Variants in SMIM14 observed in about 807,000 individuals in gnomAD.
The protein encoded by SMIM14 is small integral membrane protein 14, also known as chromosome 4 open reading frame 34.
SMIM14 carries 5 observed loss-of-function variants against 12.6 expected under a neutral mutation model. The ratio of observed to expected loss-of-function variants is 0.40; its 90% CI spans 0.21 to 0.83. The LOEUF (loss-of-function observed/expected upper bound fraction) is 0.83, where lower values mean the gene tolerates loss of function less well. Among genes scored for constraint, SMIM14 ranks in the 40% least tolerant of loss-of-function variants. The probability of loss-of-function intolerance (pLI) is 0.37; values close to 1 mark genes in which losing one functional copy is unlikely to be tolerated. For synonymous variants in SMIM14, 30 were observed against 40.1 expected, an observed-to-expected ratio of 0.75 and a Z score of 0.95; for missense variants, 86 against 119.1, an observed-to-expected ratio of 0.72 and a Z score of 1.29.
At chr4:39,597,699 A>C (rs1714430350) in intron 2 of SMIM14, among the ~76,000 whole-genome samples, 1 of 152,156 alleles carries the variant, frequency 6.6e-6, no homozygotes, top group South Asian at 2.1e-4. Flanking sequence ...AACATGTATG[A>C]GTCTGCATTT....
At chr4:39,575,469 TACAA>T (rs558737013) in intron 2 of SMIM14, among the ~76,000 whole-genome samples, 3 of 152,094 alleles carry the variant, frequency 2.0e-5, no homozygotes, top group South Asian at 4.2e-4. Flanking sequence ...GTGTTGCGAT[TACAA>T]ACAGTCATGA....
At chr4:39,555,203 C>T (rs1711949401) in intron 4 of SMIM14, among the ~76,000 whole-genome samples, 1 of 151,162 alleles carries the variant, frequency 6.6e-6, no homozygotes, top group African/African-American at 2.4e-5. Flanking sequence ...AATACTGGTT[C>T]TGAAAAGGAT....
chr4:39,614,137 A>G (rs1715130631), intron 1 of SMIM14, among the ~76,000 whole-genome samples: 1 of 146,484 alleles, frequency 6.8e-6, no homozygotes, highest in African/African-American at 2.5e-5. Context: ...GTGAGCCGAG[A>G]TGGCACCATT....
chr4:39,635,998 C>A (rs891222338), intron 1 of SMIM14, among the ~76,000 whole-genome samples: 8 of 151,770 alleles, frequency 5.3e-5, no homozygotes, highest in Admixed American at 1.3e-4. Context: ...CATGGTGAAA[C>A]CCCGTCTCTA....
At chr4:39,591,060 C>A (rs1714051354) in intron 2 of SMIM14, among the ~76,000 whole-genome samples, 1 of 151,992 alleles carries the variant, frequency 6.6e-6, no homozygotes, top group Non-Finnish European at 1.5e-5. Context: ...ACACTCAAAT[C>A]CCTTATATAA....
chr4:39,564,762 G>A (rs188625359), intron 3 of SMIM14, among the ~76,000 whole-genome samples: 1 of 152,304 alleles, frequency 6.6e-6, no homozygotes, highest in East Asian at 1.9e-4. Context: ...TGTAAAGAAA[G>A]TGAGGCTGTC....
chr4:39,553,862 G>C (rs181433333), intron 4 of SMIM14, among the ~76,000 whole-genome samples: 1 of 152,066 alleles, frequency 6.6e-6, no homozygotes, highest in Non-Finnish European at 1.5e-5. Flanking sequence ...CCAAAGTGCT[G>C]GGATTACAGG....
At chr4:39,575,685 A>G (rs1322079845) in intron 2 of SMIM14, among the ~76,000 whole-genome samples, 1 of 151,500 alleles carries the variant, frequency 6.6e-6, no homozygotes, top group Non-Finnish European at 1.5e-5. Context: ...CCTGGACTCA[A>G]GCGATCCTCC....
chr4:39,571,279 C>T (rs74618662), intron 3 of SMIM14, among the ~76,000 whole-genome samples: 19 of 152,120 alleles, frequency 1.2e-4, no homozygotes, highest in African/African-American at 4.6e-4. Context: ...GGCCTCCCCA[C>T]CAAGAAGTTC....
chr4:39,611,587 T>C (rs1715036804), intron 1 of SMIM14, among the ~76,000 whole-genome samples: 1 of 150,980 alleles, frequency 6.6e-6, no homozygotes, highest in Non-Finnish European at 1.5e-5. Flanking sequence ...CACAGGAGAA[T>C]CGCTTGAACC....
At chr4:39,589,240 C>A (rs1430834483) in intron 2 of SMIM14, among the ~76,000 whole-genome samples, 1 of 152,148 alleles carries the variant, frequency 6.6e-6, no homozygotes, top group Non-Finnish European at 1.5e-5. Flanking sequence ...GTGCCCATCA[C>A]CACATCTGGC....
intron 3 of SMIM14, among the ~76,000 whole-genome samples, chr4:39,557,212 A>AT (rs1422514823): frequency 3.9e-5 from 6 of 152,092 alleles, no homozygotes; most frequent in Admixed American, 3.9e-4. Flanking sequence ...GGGTTTCACC[A>AT]TGTTGGCCAG....
chr4:39,554,169 A>G (rs1005830829), intron 4 of SMIM14, among the ~76,000 whole-genome samples: 18 of 152,146 alleles, frequency 1.2e-4, no homozygotes, highest in African/African-American at 3.1e-4. Flanking sequence ...TTAGTGGGAT[A>G]ATTTGGTATA....
intron 3 of SMIM14, among the ~76,000 whole-genome samples, chr4:39,566,402 T>C (rs926285102): frequency 1.3e-5 from 2 of 152,022 alleles, no homozygotes; most frequent in African/African-American, 4.8e-5. Context: ...TAATGAGTCA[T>C]GAGACCAGAT....
rs114606667 is a variant in SMIM14, at chr4:39,577,031, A to G, written c.76-4568T>C. The stretch of plus-strand genomic sequence containing the variant: ...TGGCTGGAATACCTATATATTTTTA[A>G]CACTGTGGAATAGGAATATTTTTTC... On this transcript the variant is annotated intron_variant, in intron 2 of 4. Transcript: ENST00000295958. Among the ~76,000 whole-genome samples the G allele has an allele frequency of 5.0e-3, 754 of 151,750 alleles. 5 individuals are homozygous for G. Among genetic ancestry groups the G allele is most frequent in the African/African-American group, 0.017 (709 of 41,402 alleles).
intron 2 of SMIM14, among the ~76,000 whole-genome samples, chr4:39,585,128 TA>T (rs1191415164): frequency 2.0e-5 from 3 of 151,940 alleles, no homozygotes; most frequent in African/African-American, 7.3e-5. Context: ...GAAATGTGAC[TA>T]AAAGGTCCAC....
chr4:39,630,249 T>C (rs576399893), intron 1 of SMIM14, among the ~76,000 whole-genome samples: 27 of 152,056 alleles, frequency 1.8e-4, no homozygotes, highest in African/African-American at 6.3e-4. Flanking sequence ...CTTTAATAAT[T>C]AGCCAGGCAT....
At position 39,556,543 on chromosome 4, in the gene SMIM14, A is replaced by T; in HGVS notation, c.152T>A (p.Ile51Asn). ...GGCTACCAAGATCATTGTAACACTG[A>T]TGCCATTATCACCAGAGGGTCCCGG... ...ELPGPSGDNG[I>N]SVTMILVAWM... The change falls in exon 4 of 5, where the codon ATC becomes AAC. Residue 51 changes from isoleucine (I) to asparagine (N), a missense_variant. Ile to Asn is a moderately radical substitution (Grantham distance 149, BLOSUM62 -3). Transcript: ENST00000295958. 20 of 1,611,190 alleles carry T rather than the reference A, an allele frequency of 1.2e-5. No homozygotes were observed. Among genetic ancestry groups the T allele is most frequent in the Non-Finnish European group, 1.7e-5 (20 of 1,179,278 alleles).
At chr4:39,608,076 T>C (rs576818304) in intron 1 of SMIM14, among the ~76,000 whole-genome samples, 148 of 152,306 alleles carry the variant, frequency 9.7e-4, no homozygotes, top group African/African-American at 3.4e-3. Context: ...AATGGTGGTG[T>C]GGCTGCTGTG....
Sources: gnomAD v4.1 joint callset for allele counts (sites outside exome capture counted in the v4.1 genomes callset) on GRCh38, gnomAD v4.1.1 for gene constraint, MANE v1.5 for transcripts, NCBI Gene and HGNC (gene_info 2026-07-23, HGNC 2026-07-21) for gene names.